The following BLNK variants were observed in gnomAD, a reference collection of about 807,000 sequenced individuals.
BLNK encodes the protein B-cell linker protein.
Under a neutral mutation model 73.5 loss-of-function variants are expected in BLNK, and 29 were observed. The ratio of observed to expected loss-of-function variants is 0.39; its 90% CI spans 0.29 to 0.54. The LOEUF (loss-of-function observed/expected upper bound fraction) is 0.54, where lower values mean the gene tolerates loss of function less well. Among genes scored for constraint, BLNK ranks in the 20% least tolerant of loss-of-function variants. The pLI is 0.61. For synonymous variants in BLNK, 176 were observed against 200.8 expected (o/e 0.88, Z 1.04); for missense variants, 460 against 562.8 (o/e 0.82, Z 1.85).
At chr10:96,211,334 C>T (rs1208984622) in intron 8 of BLNK, among the ~76,000 whole-genome samples, 1 of 152,160 alleles carries the variant, frequency 6.6e-6, no homozygotes, top group Non-Finnish European at 1.5e-5. Context: ...CACATGAAGG[C>T]ACTGTGTTAG....
intron 15 of BLNK, among the ~76,000 whole-genome samples, chr10:96,199,325 T>A (rs1316020402): frequency 6.6e-6 from 1 of 152,230 alleles, no homozygotes; most frequent in African/African-American, 2.4e-5. Context: ...ATGATTGAAG[T>A]TGGGCTCTCC....
At chr10:96,209,568 T>C (rs1396625320) in intron 9 of BLNK, among the ~76,000 whole-genome samples, 1 of 152,124 alleles carries the variant, frequency 6.6e-6, no homozygotes, top group Non-Finnish European at 1.5e-5. Flanking sequence ...AATTTTTGTA[T>C]TTTTAGTAGA....
chr10:96,244,969 A>G (rs1393841140), intron 2 of BLNK, among the ~76,000 whole-genome samples: 1 of 152,144 alleles, frequency 6.6e-6, no homozygotes, highest in African/African-American at 2.4e-5. Flanking sequence ...GAACTGTAAA[A>G]CTGGCAATTA....
chr10:96,246,487 G>T (rs1326088271), intron 2 of BLNK, among the ~76,000 whole-genome samples: 1 of 152,220 alleles, frequency 6.6e-6, no homozygotes, highest in Non-Finnish European at 1.5e-5. Flanking sequence ...AGGAGGCAGA[G>T]GTTGCGGTGA....
At chr10:96,230,859 A>T in intron 3 of BLNK, 25 bp from the exon 4 acceptor site, 1 of 1,609,368 alleles carries the variant, frequency 6.2e-7, no homozygotes, top group South Asian at 1.1e-5. Flanking sequence ...GAGAAGCAGA[A>T]GGCACAAGTG....
rs148034588 is a variant in BLNK at position 96,254,126 on chromosome 10, C to T, written c.48-7077G>A. Among the ~76,000 whole-genome samples, 115 of 152,198 alleles carry T rather than the reference C, an allele frequency of 7.6e-4. 1 individual carries two copies. Among genetic ancestry groups the T allele is most frequent in the African/African-American group, 2.6e-3 (106 of 41,520 alleles). On this transcript the variant is annotated intron_variant, in intron 1 of 16. Coordinates refer to ENST00000224337, the MANE Select transcript of BLNK (RefSeq NM_013314.4). ...GTTTAAATGGAAAGAGCAAAAGAGA[C>T]GACTTCCCAACCTCCAGAGTATCTT... is the stretch of plus-strand genomic sequence containing the variant.
rs587689028 is a variant in BLNK at position 96,204,047 on chromosome 10, T to C, written c.934+10A>G. ...CTCCCTGATACACTACATGGCTTCGTTGTACTTACTTGGCAGAGGTATGGG... is the reference window on the plus strand; with the variant it reads ...CTCCCTGATACACTACATGGCTTCGCTGTACTTACTTGGCAGAGGTATGGG... On this transcript the variant is annotated intron_variant, in intron 13 of 16. Transcript: ENST00000224337. The C allele has an allele frequency of 6.2e-7, 1 of 1,612,010 alleles. No individual in the cohort carries two copies. The highest frequency in any genetic ancestry group is 8.5e-7 in the Non-Finnish European group (1 of 1,178,088).
At chr10:96,238,449 T>C (rs1667677173) in intron 3 of BLNK, among the ~76,000 whole-genome samples, 1 of 152,146 alleles carries the variant, frequency 6.6e-6, no homozygotes, top group South Asian at 2.1e-4. Flanking sequence ...GATCAAGTGC[T>C]CCACAGGGCA....
At chr10:96,192,820 T>C (rs2083362861) in intron 16 of BLNK, among the ~76,000 whole-genome samples, 1 of 152,210 alleles carries the variant, frequency 6.6e-6, no homozygotes, top group Admixed American at 6.5e-5. Context: ...ATTAAATTCA[T>C]TGAGTATACA....
intron 1 of BLNK, among the ~76,000 whole-genome samples, chr10:96,251,902 A>G (rs1230154237): frequency 6.6e-6 from 1 of 152,178 alleles, no homozygotes; most frequent in Admixed American, 6.6e-5. Flanking sequence ...TGAAAGTTAC[A>G]GCAGTTTCTT....
At chr10:96,251,196 C>T (rs900004666) in intron 1 of BLNK, among the ~76,000 whole-genome samples, 5 of 152,168 alleles carry the variant, frequency 3.3e-5, no homozygotes, top group East Asian at 1.9e-4. Flanking sequence ...TTACAACTGC[C>T]AAACTTCTGT....
chr10:96,270,350 C>G (rs905245047), intron 1 of BLNK, among the ~76,000 whole-genome samples: 1 of 152,174 alleles, frequency 6.6e-6, no homozygotes, highest in African/African-American at 2.4e-5. Flanking sequence ...TCTGTGATTA[C>G]TTGTCTGCTA....
At chr10:96,263,906 C>A (rs1181468528) in intron 1 of BLNK, among the ~76,000 whole-genome samples, 1 of 152,180 alleles carries the variant, frequency 6.6e-6, no homozygotes, top group African/African-American at 2.4e-5. Flanking sequence ...CTGGGGAACC[C>A]CGAGGTCATG....
rs782710142 is a variant in BLNK, at chr10:96,191,950, G to A, written c.*23C>T. 5.6e-6 allele frequency: 9 copies of A among 1,613,140 alleles called. No individual in the cohort carries two copies. Among genetic ancestry groups the A allele is most frequent in the Non-Finnish European group, 7.6e-6 (9 of 1,179,466 alleles). ...CTTTGGGAAAGTGTCTGAAGCAATG[G>A]TATTGATCTTTTTTTTCCCCCTTTA... is the stretch of plus-strand genomic sequence containing the variant. On this transcript the variant is annotated 3_prime_UTR_variant, in exon 17 of 17. Coordinates refer to ENST00000224337, the MANE Select transcript of BLNK (RefSeq NM_013314.4).
chr10:96,227,956 G>T (rs192096245), intron 4 of BLNK, among the ~76,000 whole-genome samples: 1 of 115,418 alleles, frequency 8.7e-6, no homozygotes, highest in African/African-American at 3.6e-5. Flanking sequence ...GAGAAAATAG[G>T]TTTAATACGA....
intron 16 of BLNK, among the ~76,000 whole-genome samples, chr10:96,193,474 T>C (rs1474251903): frequency 6.6e-6 from 1 of 152,240 alleles, no homozygotes; most frequent in Non-Finnish European, 1.5e-5. Flanking sequence ...ATTGCCTTGT[T>C]GTGGTGTTCG....
At chr10:96,237,321 C>G (rs1842730502) in intron 3 of BLNK, among the ~76,000 whole-genome samples, 1 of 149,756 alleles carries the variant, frequency 6.7e-6, no homozygotes. Context: ...CCAAGAATCC[C>G]TGTCCAAGTG....
Position 96,200,230 on chromosome 10 carries a change from A to G in BLNK, c.1012-72T>C. 3 of 1,273,748 alleles carry G rather than the reference A, an allele frequency of 2.4e-6. No homozygotes were observed. The South Asian group carries it at 3.7e-5, about 16-fold the overall frequency. 78.9% of individuals were successfully genotyped at this position (1,273,748 alleles called of 1,614,324 possible). A position where few individuals can be genotyped will look rare whatever the true frequency, so the allele number is the denominator to read the frequency against. Reference sequence around the variant, plus strand: ...CTCTAATTTCTGTGTACTAGAAACAAAGACCCATTTGCATTATCAAGACAG... The same window carrying G: ...CTCTAATTTCTGTGTACTAGAAACAGAGACCCATTTGCATTATCAAGACAG... On this transcript the variant is annotated intron_variant, in intron 14 of 16. Coordinates refer to ENST00000224337, the MANE Select transcript of BLNK (RefSeq NM_013314.4). The surrounding 1 kb of genome is among the most constrained non-coding windows in gnomAD (Gnocchi z 4.3).
chr10:96,192,234 C>T, intron 16 of BLNK, 142 bp from the exon 17 acceptor site: 3 of 1,199,306 alleles, frequency 2.5e-6, no homozygotes, highest in Non-Finnish European at 3.5e-6. Flanking sequence ...TCTAGTTTAA[C>T]AAAGGCTGTA....
Sources: allele counts gnomAD v4.1 joint callset (sites outside exome capture counted in the v4.1 genomes callset), GRCh38; gene constraint gnomAD v4.1.1; non-coding constraint Gnocchi (gnomAD v3.1); transcripts MANE v1.5; gene names NCBI Gene and HGNC (gene_info 2026-07-23, HGNC 2026-07-21).